SLC10A7: variants seen among roughly 807,000 people sequenced by gnomAD.
SLC10A7 encodes solute carrier family 10 member 7, also known as sodium/bile acid cotransporter 7.
Under a neutral mutation model 43.2 loss-of-function variants are expected in SLC10A7, and 29 were observed. That is an observed-to-expected ratio of 0.67 (90% CI 0.50 to 0.92). SLC10A7 has a LOEUF of 0.92. Ranked by LOEUF, SLC10A7 falls within the 40% of genes least tolerant of loss-of-function variation. The pLI is 0.00. For synonymous variants in SLC10A7, 152 were observed against 144.8 expected (o/e 1.05, Z -0.35); for missense variants, 295 against 403.2 (o/e 0.73, Z 2.30).
intron 4 of SLC10A7, among the ~76,000 whole-genome samples, chr4:146,466,026 G>T (rs545059030): frequency 6.6e-6 from 1 of 152,154 alleles, no homozygotes; most frequent in South Asian, 2.1e-4. Flanking sequence ...AAAGTTGAAA[G>T]AAGTTTATGT....
At chr4:146,464,166 G>A (rs1046688649) in intron 4 of SLC10A7, among the ~76,000 whole-genome samples, 1 of 151,814 alleles carries the variant, frequency 6.6e-6, no homozygotes, top group African/African-American at 2.4e-5. Context: ...GGAACTATCA[G>A]GGCTGATATT....
chr4:146,465,643 A>G (rs1043739669), intron 4 of SLC10A7, among the ~76,000 whole-genome samples: 5 of 152,302 alleles, frequency 3.3e-5, no homozygotes, highest in African/African-American at 1.2e-4. Flanking sequence ...TGATTTGTCC[A>G]TGCACAAAGT....
intron 4 of SLC10A7, among the ~76,000 whole-genome samples, chr4:146,463,979 T>C (rs916202832): frequency 3.3e-5 from 5 of 151,994 alleles, no homozygotes; most frequent in African/African-American, 9.6e-5. Context: ...TGTGCCACCA[T>C]ACCTAGCTAA....
At chr4:146,299,246 C>A (rs1730991987) in intron 7 of SLC10A7, among the ~76,000 whole-genome samples, 1 of 152,138 alleles carries the variant, frequency 6.6e-6, no homozygotes, top group Non-Finnish European at 1.5e-5. Context: ...ATGCAGGACA[C>A]CTGATTCCTC....
chr4:146,494,408 G>T (rs1226364274), intron 4 of SLC10A7, among the ~76,000 whole-genome samples: 3 of 152,160 alleles, frequency 2.0e-5, no homozygotes, highest in Non-Finnish European at 4.4e-5. Flanking sequence ...ATCAGGACTG[G>T]CCCTAACGTC....
chr4:146,477,801 G>A (rs969205169), intron 4 of SLC10A7: 2 of 152,142 alleles, frequency 1.3e-5, no homozygotes, highest in African/African-American at 4.8e-5. Context: ...AGGAATTTAA[G>A]AATAGCTTTT....
chr4:146,449,862 T>C (rs1356185434), intron 4 of SLC10A7, among the ~76,000 whole-genome samples: 3 of 152,154 alleles, frequency 2.0e-5, no homozygotes, highest in African/African-American at 7.2e-5. Context: ...CAAACTAGAA[T>C]GCCCTGGGTT....
At chr4:146,284,791 T>C (rs1318388743) in intron 9 of SLC10A7, among the ~76,000 whole-genome samples, 1 of 152,184 alleles carries the variant, frequency 6.6e-6, no homozygotes, top group Non-Finnish European at 1.5e-5. Context: ...TTCATCCCTT[T>C]ATTCCTCACA....
At chr4:146,277,966 C>G (rs942027613) in intron 10 of SLC10A7, among the ~76,000 whole-genome samples, 19 of 152,138 alleles carry the variant, frequency 1.2e-4, no homozygotes, top group Admixed American at 4.6e-4. Flanking sequence ...TTATAACCAG[C>G]AGTGTAATCA....
At chr4:146,285,170 A>T (rs1306500121) in intron 9 of SLC10A7, among the ~76,000 whole-genome samples, 1 of 152,098 alleles carries the variant, frequency 6.6e-6, no homozygotes, top group African/African-American at 2.4e-5. Context: ...TATGGAGTTG[A>T]TATGATGGGA....
At chr4:146,396,015 C>T (rs78530017) in intron 5 of SLC10A7, among the ~76,000 whole-genome samples, 10,040 of 152,154 alleles carry the variant, frequency 0.066, 464 homozygotes, top group Middle Eastern at 0.11. Flanking sequence ...TCTCATTATA[C>T]GACAATCTAC....
At chr4:146,345,738 A>T (rs896055936) in intron 5 of SLC10A7, among the ~76,000 whole-genome samples, 1 of 152,158 alleles carries the variant, frequency 6.6e-6, no homozygotes, top group African/African-American at 2.4e-5. Flanking sequence ...GAAAGGGACC[A>T]TGCTTATTTT....
rs573288858 is a variant in SLC10A7, at chr4:146,281,364, C to T, written c.847+1828G>A. On this transcript the variant is annotated intron_variant, in intron 10 of 11. Transcript: ENST00000335472. Reference sequence around the variant, plus strand: ...TCTGGTTTTCCTGACAAAAGCAAGTCCTTAAAAGTATCCCAGAACTTGAAG... The same window carrying T: ...TCTGGTTTTCCTGACAAAAGCAAGTTCTTAAAAGTATCCCAGAACTTGAAG... Among the ~76,000 whole-genome samples the T allele has an allele frequency of 2.1e-5, 3 of 145,912 alleles. No homozygotes were observed. The East Asian group carries it at 6.4e-4, about 31-fold the overall frequency.
intron 5 of SLC10A7, among the ~76,000 whole-genome samples, chr4:146,364,379 C>T (rs1191151656): frequency 1.3e-5 from 2 of 152,096 alleles, no homozygotes; most frequent in Non-Finnish European, 2.9e-5. Context: ...AGCTCAGGAC[C>T]TGATGACTTC....
chr4:146,408,998 A>C (rs1727938904), intron 5 of SLC10A7, among the ~76,000 whole-genome samples: 1 of 152,138 alleles, frequency 6.6e-6, no homozygotes, highest in Non-Finnish European at 1.5e-5. Context: ...TCACACATTC[A>C]AGGGTTATAG....
rs1156786610 is a variant in SLC10A7 at position 146,521,893 on chromosome 4, G to A, written c.-176C>T. On this transcript the variant is annotated 5_prime_UTR_variant, in exon 1 of 12. Transcript: ENST00000335472. ...CTGGGGGTTGCTCCGGCGGCTTTGA[G>A]GAGGGTTGGGAGTAGTAGTAGCCAG... 2 of 585,466 alleles carry A rather than the reference G, an allele frequency of 3.4e-6. No individual in the cohort carries two copies. Among genetic ancestry groups the A allele is most frequent in the Admixed American group, 3.1e-5 (1 of 32,720 alleles). The allele number at this position is 585,466 out of a possible 1,614,324, so 36.3% of individuals were successfully genotyped here. A position where few individuals can be genotyped will look rare whatever the true frequency, so the allele number is the denominator to read the frequency against.
chr4:146,431,061 TA>T (rs1729740130), intron 5 of SLC10A7, among the ~76,000 whole-genome samples: 1 of 152,168 alleles, frequency 6.6e-6, no homozygotes, highest in Non-Finnish European at 1.5e-5. Context: ...AAAATTAATA[TA>T]AAAATGAAGT....
chr4:146,467,147 A>G (rs1733101737), intron 4 of SLC10A7, among the ~76,000 whole-genome samples: 1 of 152,148 alleles, frequency 6.6e-6, no homozygotes, highest in Admixed American at 6.6e-5. Flanking sequence ...GATCTGGTGT[A>G]TTAATCTATG....
intron 7 of SLC10A7, among the ~76,000 whole-genome samples, chr4:146,295,636 T>C (rs76750171): frequency 1.1e-3 from 171 of 152,216 alleles, no homozygotes; most frequent in African/African-American, 3.9e-3. Flanking sequence ...CATGATCAGA[T>C]ATGTCACTAG....
Sources: gnomAD v4.1 joint callset for allele counts (sites outside exome capture counted in the v4.1 genomes callset) on GRCh38, gnomAD v4.1.1 for gene constraint, MANE v1.5 for transcripts, NCBI Gene and HGNC (gene_info 2026-07-23, HGNC 2026-07-21) for gene names.